ARHGAP31: variants seen among roughly 807,000 people sequenced by gnomAD.
ARHGAP31 encodes the protein Rho GTPase activating protein 31, also known as rho GTPase-activating protein 31.
A neutral mutation model predicts 113.9 loss-of-function variants in ARHGAP31; 34 were observed. That is an observed-to-expected ratio of 0.30 (90% CI 0.23 to 0.40). The LOEUF (loss-of-function observed/expected upper bound fraction) is 0.40, where lower values mean the gene tolerates loss of function less well. Among genes scored for constraint, ARHGAP31 ranks in the 10% least tolerant of loss-of-function variants. The pLI is 1.00. For synonymous variants in ARHGAP31, 650 were observed against 684.8 expected, an observed-to-expected ratio of 0.95 and a Z score of 0.79; for missense variants, 1,548 against 1,767.1, an observed-to-expected ratio of 0.88 and a Z score of 2.22.
At chr3:119,381,294 A>G (rs1234035321) in intron 4 of ARHGAP31, among the ~76,000 whole-genome samples, 1 of 152,176 alleles carries the variant, frequency 6.6e-6, no homozygotes, top group Non-Finnish European at 1.5e-5. Context: ...CCAGATTTGT[A>G]GCATAACCAA....
intron 6 of ARHGAP31, among the ~76,000 whole-genome samples, chr3:119,389,611 G>A (rs754329754): frequency 2.0e-5 from 3 of 152,120 alleles, no homozygotes; most frequent in African/African-American, 2.4e-5. Flanking sequence ...TCACATAACA[G>A]TTGTCTTCAT....
intron 7 of ARHGAP31, among the ~76,000 whole-genome samples, chr3:119,392,836 C>T (rs1370750467): frequency 6.6e-6 from 1 of 152,214 alleles, no homozygotes; most frequent in East Asian, 1.9e-4. Context: ...CTTTTCAGTC[C>T]GTGAAAGTCT....
chr3:119,419,825 A>T lies in ARHGAP31; in HGVS notation c.*3561A>T, dbSNP rs2080807578. ...TTTAGAAAACTGGAAAGTGGCAACT[A>T]GGCTAGAATAGTGGCAACTAGGTTC... On this transcript the variant is annotated 3_prime_UTR_variant, in exon 12 of 12. Coordinates refer to ENST00000264245, the MANE Select transcript of ARHGAP31 (RefSeq NM_020754.4). The T allele has an allele frequency of 6.6e-6, 1 of 152,214 alleles. No homozygotes were observed. Among genetic ancestry groups the T allele is most frequent in the South Asian group, 2.1e-4 (1 of 4,824 alleles). 9.4% of individuals were successfully genotyped at this position (152,214 alleles called of 1,614,324 possible). A position where few individuals can be genotyped will look rare whatever the true frequency, so the allele number is the denominator to read the frequency against.
Position 119,416,597 on chromosome 3 carries a change from G to A in ARHGAP31, c.*333G>A, listed in dbSNP as rs1427078897. ...TATTGCTATTATCTATTACTCTTGAGAGCTGGCTGTCCTTTGAAAGAAAGA... is the reference window on the plus strand; with the variant it reads ...TATTGCTATTATCTATTACTCTTGAAAGCTGGCTGTCCTTTGAAAGAAAGA... On this transcript the variant is annotated 3_prime_UTR_variant, in exon 12 of 12. Coordinates refer to ENST00000264245, the MANE Select transcript of ARHGAP31 (RefSeq NM_020754.4). 1 of 358,930 alleles carries A rather than the reference G, an allele frequency of 2.8e-6. No homozygotes were observed. Among genetic ancestry groups the A allele is most frequent in the African/African-American group, 2.1e-5 (1 of 47,634 alleles). 22.2% of individuals were successfully genotyped at this position (358,930 alleles called of 1,614,324 possible). A position where few individuals can be genotyped will look rare whatever the true frequency, so the allele number is the denominator to read the frequency against.
chr3:119,335,390 G>A (rs1292143036), intron 1 of ARHGAP31, among the ~76,000 whole-genome samples: 1 of 152,182 alleles, frequency 6.6e-6, no homozygotes, highest in Admixed American at 6.5e-5. Flanking sequence ...TGTAGGAACT[G>A]ACCACCATTT....
At chr3:119,392,983 C>G (rs756364462) in intron 7 of ARHGAP31, among the ~76,000 whole-genome samples, 3 of 152,136 alleles carry the variant, frequency 2.0e-5, no homozygotes, top group Non-Finnish European at 2.9e-5. Context: ...TGGCCCAGTA[C>G]TGTCATCCCA....
Position 119,391,014 on chromosome 3 carries a change from A to G in ARHGAP31, c.881+31A>G, listed in dbSNP as rs757310393. The G allele has an allele frequency of 1.6e-5, 26 of 1,608,542 alleles. No homozygotes were observed. The South Asian group carries it at 2.8e-4, about 17-fold the overall frequency. ...TGGCACTCTTTTAAAAAATTCTAGG[A>G]GATGTGTGGTTGAAGAGGAAAGAGG... On this transcript the variant is annotated intron_variant, in intron 7 of 11. Transcript: ENST00000264245.
In ARHGAP31 at chr3:119,294,502, T is replaced by G; in HGVS notation, c.-403T>G. ...CACCGCAGCCCCCTGGGCAGTCTCC[T>G]CGCCCCGCGTCCGCGTCGTCTCCGG... On this transcript the variant is annotated 5_prime_UTR_variant, in exon 1 of 12. Coordinates refer to ENST00000264245, the MANE Select transcript of ARHGAP31 (RefSeq NM_020754.4). 1 of 454,444 alleles carries G rather than the reference T, an allele frequency of 2.2e-6. No homozygotes were observed. Among genetic ancestry groups the G allele is most frequent in the Non-Finnish European group, 3.8e-6 (1 of 263,972 alleles). 28.2% of individuals were successfully genotyped at this position (454,444 alleles called of 1,614,324 possible). A position where few individuals can be genotyped will look rare whatever the true frequency, so the allele number is the denominator to read the frequency against.
Position 119,300,584 on chromosome 3 carries a change from T to A in ARHGAP31, c.100+5580T>A, listed in dbSNP as rs75222023. Among the ~76,000 whole-genome samples the A allele has an allele frequency of 1.2e-3, 183 of 152,180 alleles. 1 individual carries two copies. The highest frequency in any genetic ancestry group is 4.3e-3 in the African/African-American group (177 of 41,534). On this transcript the variant is annotated intron_variant, in intron 1 of 11. Transcript: ENST00000264245. ...TGGCTCACGCCTATAATTCCAGCAC[T>A]TTGGGAGGCCAAAGTGGGTAGATCA... is the stretch of plus-strand genomic sequence containing the variant.
chr3:119,323,512 T>C (rs979437653), intron 1 of ARHGAP31, among the ~76,000 whole-genome samples: 3 of 152,142 alleles, frequency 2.0e-5, no homozygotes, highest in Admixed American at 2.0e-4. Context: ...TCTTTTTTTT[T>C]TAACCACATC....
chr3:119,353,341 A>G (rs2080127643), intron 1 of ARHGAP31, among the ~76,000 whole-genome samples: 1 of 152,200 alleles, frequency 6.6e-6, no homozygotes, highest in African/African-American at 2.4e-5. Context: ...AACTTTTGTT[A>G]CAATTTTTGT....
At chr3:119,314,321 C>T (rs1394477730) in intron 1 of ARHGAP31, 1 of 152,192 alleles carries the variant, frequency 6.6e-6, no homozygotes, top group East Asian at 1.9e-4. Flanking sequence ...AGTTAGGTGC[C>T]CTTGGTGTGT....
chr3:119,374,396 C>T (rs1037227851), intron 3 of ARHGAP31, among the ~76,000 whole-genome samples: 2 of 152,146 alleles, frequency 1.3e-5, no homozygotes, highest in Non-Finnish European at 2.9e-5. Context: ...TCACCAGAAG[C>T]GGATACTGGA....
chr3:119,404,085 G>A (rs968432455), intron 10 of ARHGAP31, among the ~76,000 whole-genome samples: 11 of 152,260 alleles, frequency 7.2e-5, no homozygotes, highest in Non-Finnish European at 1.3e-4. Flanking sequence ...TCTGGAAAAC[G>A]ATGTCATGGG....
At chr3:119,327,759 T>C (rs1394285336) in intron 1 of ARHGAP31, among the ~76,000 whole-genome samples, 1 of 152,238 alleles carries the variant, frequency 6.6e-6, no homozygotes, top group Non-Finnish European at 1.5e-5. Context: ...GAATTTTGTT[T>C]GTGTTTGTTC....
At chr3:119,407,302 G>A (rs991589345) in intron 10 of ARHGAP31, among the ~76,000 whole-genome samples, 1 of 142,846 alleles carries the variant, frequency 7.0e-6, no homozygotes, top group East Asian at 2.0e-4. Context: ...AGCTGAGATC[G>A]CACCACTGCA....
At position 119,364,955 on chromosome 3, in the gene ARHGAP31, G is replaced by A. The variant is rs146913450; in HGVS notation, c.101-361G>A. On this transcript the variant is annotated intron_variant, in intron 1 of 11. Transcript: ENST00000264245. ...ATAAAAACACAAAAATTAGCTTGGC[G>A]TGGTGGCGGGTGCCTGTAATCCCAG... Among the ~76,000 whole-genome samples, 667 of 152,226 alleles carry A rather than the reference G, an allele frequency of 4.4e-3. 2 individuals are homozygous for A. Among genetic ancestry groups the A allele is most frequent in the Middle Eastern group, 6.8e-3 (2 of 294 alleles).
At chr3:119,315,093 T>C (rs998303147) in intron 1 of ARHGAP31, among the ~76,000 whole-genome samples, 1 of 152,226 alleles carries the variant, frequency 6.6e-6, no homozygotes, top group African/African-American at 2.4e-5. Flanking sequence ...TCCAGGTGCA[T>C]AGCTGGAGGA....
chr3:119,399,653 T>C (rs892376439), intron 9 of ARHGAP31, among the ~76,000 whole-genome samples: 6 of 152,280 alleles, frequency 3.9e-5, no homozygotes, highest in Non-Finnish European at 8.8e-5. Context: ...GAGGCCTATG[T>C]ATCTTGAACT....
Sources: gnomAD v4.1 joint callset for allele counts (sites outside exome capture counted in the v4.1 genomes callset) on GRCh38, gnomAD v4.1.1 for gene constraint, MANE v1.5 for transcripts, NCBI Gene and HGNC (gene_info 2026-07-23, HGNC 2026-07-21) for gene names.